ZCCHC2: variants seen among roughly 807,000 people sequenced by gnomAD.
ZCCHC2 encodes the protein zinc finger CCHC domain-containing protein 2.
A neutral mutation model predicts 103.6 loss-of-function variants in ZCCHC2; 39 were observed. That is an observed-to-expected ratio of 0.38 (90% CI 0.29 to 0.49). The LOEUF is 0.49. Ranked by LOEUF, ZCCHC2 falls within the 20% of genes least tolerant of loss-of-function variation. ZCCHC2 has a pLI of 0.96. For missense variants in ZCCHC2, 1,483 were observed against 1,491.0 expected (o/e 0.99, Z 0.09); for synonymous variants, 687 against 608.9 (o/e 1.13, Z -1.89).
chr18:62,575,167 T>C lies in ZCCHC2; in HGVS notation c.3086T>C (p.Leu1029Pro). The C allele has an allele frequency of 6.2e-7, 1 of 1,614,060 alleles. No homozygotes were observed. Among genetic ancestry groups the C allele is most frequent in the Non-Finnish European group, 8.5e-7 (1 of 1,179,890 alleles). The change falls in exon 13 of 14, where the codon CTA becomes CCA. Residue 1029 changes from leucine to proline, a missense_variant. By Grantham distance (98) the Leu-to-Pro change is moderately conservative (BLOSUM62 -3). Coordinates refer to ENST00000269499, the MANE Select transcript of ZCCHC2 (RefSeq NM_017742.6). ...TGTGGGACCAATGGAAACCTTCAGCTAAATAGTTACTATTATCCTAATCCA... is the reference window on the plus strand; with the variant it reads ...TGTGGGACCAATGGAAACCTTCAGCCAAATAGTTACTATTATCCTAATCCA... ...CSCGTNGNLQLNSYYYPNPMP... is the reference protein window; with the variant it reads ...CSCGTNGNLQPNSYYYPNPMP...
chr18:62,528,880 G>A (rs1343568028), intron 1 of ZCCHC2, among the ~76,000 whole-genome samples: 2 of 151,954 alleles, frequency 1.3e-5, no homozygotes, highest in Non-Finnish European at 2.9e-5. Flanking sequence ...TGATTTTTTG[G>A]CCAGGCGCAG....
intron 1 of ZCCHC2, among the ~76,000 whole-genome samples, chr18:62,528,654 G>A (rs922772558): frequency 1.3e-5 from 2 of 151,280 alleles, no homozygotes; most frequent in African/African-American, 4.9e-5. Context: ...TAGCTAAATT[G>A]TACTTGATAG....
At chr18:62,556,804 TC>T (rs1915903774) in intron 6 of ZCCHC2, among the ~76,000 whole-genome samples, 1 of 152,236 alleles carries the variant, frequency 6.6e-6, no homozygotes, top group Non-Finnish European at 1.5e-5. Flanking sequence ...GTTAGGCCTT[TC>T]TTTCATGCAC....
In ZCCHC2 at chr18:62,575,449, C is replaced by T. The variant is rs770818627; in HGVS notation, c.3368C>T (p.Ser1123Leu). The T allele has an allele frequency of 5.0e-6, 8 of 1,613,952 alleles. No homozygotes were observed. The highest frequency in any genetic ancestry group is 1.7e-5 in the Admixed American group (1 of 60,022). The change falls in exon 13 of 14, where the codon TCG becomes TTG. Residue 1123 changes from serine (S) to leucine (L), a missense_variant. Physicochemically the swap from Ser to Leu is moderately radical, Grantham distance 145. Transcript: ENST00000269499. ...AACGTAGTTGCCAACACCAGTGGTT[C>T]GGGGCCCAAGAAGAATGGGAATGTC... is the stretch of plus-strand genomic sequence containing the variant. ...APNVVANTSG[S>L]GPKKNGNVSC...
chr18:62,582,629 C>T (rs1299065768), downstream of ZCCHC2, among the ~76,000 whole-genome samples: 3 of 151,926 alleles, frequency 2.0e-5, no homozygotes, highest in Admixed American at 2.0e-4. Context: ...CAGTGAGTTG[C>T]AGTCACACCA....
chr18:62,561,160 GA>G (rs1299036014), intron 8 of ZCCHC2, among the ~76,000 whole-genome samples: 1 of 152,154 alleles, frequency 6.6e-6, no homozygotes, highest in Non-Finnish European at 1.5e-5. Flanking sequence ...TCCAACTGAA[GA>G]ACACTTGAGT....
chr18:62,546,677 G>A (rs948884718), intron 4 of ZCCHC2, among the ~76,000 whole-genome samples: 1 of 152,200 alleles, frequency 6.6e-6, no homozygotes, highest in African/African-American at 2.4e-5. Context: ...CCCCAGCTGA[G>A]GCCTAGTGCC....
chr18:62,524,287 G>A lies in ZCCHC2; in HGVS notation c.863G>A (p.Arg288His). The change falls in exon 1 of 14, where the codon CGC (arginine) becomes CAC (histidine). Residue 288 changes from arginine (R) to histidine (H), a missense_variant. By Grantham distance (29) the Arg-to-His change is conservative. Around this residue, in one of 3 missense-constraint regions of ZCCHC2, gnomAD observed 568 missense variants for 525.1 expected, o/e 1.08. Coordinates refer to ENST00000269499, the MANE Select transcript of ZCCHC2 (RefSeq NM_017742.6). ...VTLREHLERL[R>H]AALRGGPEDA... ...CTGAGGGAACACTTGGAGAGGCTCCGCGCCGCGCTCCGCGGGGGCCCCGAG... is the reference window on the plus strand; with the variant it reads ...CTGAGGGAACACTTGGAGAGGCTCCACGCCGCGCTCCGCGGGGGCCCCGAG... 6.5e-7 allele frequency: 1 copy of A among 1,548,920 alleles called. No individual in the cohort carries two copies. The highest frequency in any genetic ancestry group is 1.2e-5 in the South Asian group (1 of 83,968).
intron 12 of ZCCHC2, among the ~76,000 whole-genome samples, chr18:62,571,560 G>GGAT (rs1199954824): frequency 1.3e-5 from 2 of 152,170 alleles, no homozygotes; most frequent in Non-Finnish European, 2.9e-5. Flanking sequence ...ATGGAAGAGT[G>GGAT]GATTATTAGA....
At chr18:62,524,427 T>A in intron 1 of ZCCHC2, 64 bp downstream of exon 1, 1 of 1,425,448 alleles carries the variant, frequency 7.0e-7, no homozygotes, top group Non-Finnish European at 9.1e-7. Flanking sequence ...CTCCCCGGCC[T>A]CGCTCTCGGA....
intron 1 of ZCCHC2, among the ~76,000 whole-genome samples, chr18:62,532,689 A>T (rs1296543462): frequency 6.6e-6 from 1 of 152,150 alleles, no homozygotes; most frequent in African/African-American, 2.4e-5. Flanking sequence ...AGATGCACAT[A>T]TATCGTTGTA....
At chr18:62,553,777 T>C (rs1915767058) in intron 5 of ZCCHC2, among the ~76,000 whole-genome samples, 1 of 152,204 alleles carries the variant, frequency 6.6e-6, no homozygotes, top group Admixed American at 6.5e-5. Flanking sequence ...CCGATTTCAG[T>C]TTGTGTTTGA....
chr18:62,524,354 C>T lies in ZCCHC2; in HGVS notation c.930C>T (p.Pro310=), dbSNP rs1483967267. 6 of 1,523,982 alleles carry T rather than the reference C, an allele frequency of 3.9e-6. No homozygotes were observed. In the Admixed American group the frequency reaches 1.2e-4, roughly 32 times the overall value. 94.4% of individuals were successfully genotyped at this position (1,523,982 alleles called of 1,614,324 possible). The change falls in exon 1 of 14, where the codon CCC becomes CCT. Residue 310 remains proline (P), a synonymous_variant. Coordinates refer to ENST00000269499, the MANE Select transcript of ZCCHC2 (RefSeq NM_017742.6). ...TAGAGCCGTGCAAGTTTGCCGGCCC[C>T]AGGGCCCAGGTAAGGCGCACGGAGC... The part of the protein sequence containing the change: ...VEVEPCKFAG[P]RAQNNSAHGD...
At chr18:62,524,436 G>A in intron 1 of ZCCHC2, 73 bp downstream of exon 1, 1 of 1,424,106 alleles carries the variant, frequency 7.0e-7, no homozygotes, top group Non-Finnish European at 9.1e-7. Context: ...CTCGCTCTCG[G>A]ACGCCCCTTG....
At position 62,553,891 on chromosome 18, in the gene ZCCHC2, C is replaced by T. The variant is rs182054266; in HGVS notation, c.1314-2312C>T. Among the ~76,000 whole-genome samples the T allele has an allele frequency of 2.7e-3, 408 of 152,262 alleles. 1 individual carries two copies. Among genetic ancestry groups the T allele is most frequent in the Admixed American group, 7.7e-3 (117 of 15,286 alleles). ...CTTGTTAGATAAAGAGCCCTGCTTGCGATTACTTCATGACCATAGAGGTGT... is the reference window on the plus strand; with the variant it reads ...CTTGTTAGATAAAGAGCCCTGCTTGTGATTACTTCATGACCATAGAGGTGT... On this transcript the variant is annotated intron_variant, in intron 5 of 13. Coordinates refer to ENST00000269499, the MANE Select transcript of ZCCHC2 (RefSeq NM_017742.6).
At chr18:62,584,156 C>T (rs1409668556) in intron 14 of ZCCHC2, among the ~76,000 whole-genome samples, 1 of 152,168 alleles carries the variant, frequency 6.6e-6, no homozygotes, top group African/African-American at 2.4e-5. Flanking sequence ...AACATGGGTA[C>T]ACATCACCTG....
At chr18:62,533,694 C>T (rs1231936803) in intron 1 of ZCCHC2, among the ~76,000 whole-genome samples, 1 of 151,868 alleles carries the variant, frequency 6.6e-6, no homozygotes, top group Non-Finnish European at 1.5e-5. Context: ...TAGTGAAACC[C>T]TGTCTCTGAT....
chr18:62,557,270 A>G lies in ZCCHC2; in HGVS notation c.1408+973A>G, dbSNP rs529173936. On this transcript the variant is annotated intron_variant, in intron 6 of 13. Transcript: ENST00000269499. ...TAACATTGGCGTGTCCTTTAGCAGA[A>G]TTTCTGCTGAACTTCAGGCATAGCT... Among the ~76,000 whole-genome samples the G allele has an allele frequency of 2.0e-5, 3 of 152,180 alleles. No homozygotes were observed. The South Asian group carries it at 6.2e-4, about 32-fold the overall frequency.
chr18:62,539,567 G>C, intron 1 of ZCCHC2, 114 bp from the exon 2 acceptor site: 1 of 758,352 alleles, frequency 1.3e-6, no homozygotes, highest in Admixed American at 2.3e-5. Flanking sequence ...TCACCTATTG[G>C]ACCTCTAAAA....
Sources: allele counts gnomAD v4.1 joint callset (sites outside exome capture counted in the v4.1 genomes callset), GRCh38; gene constraint gnomAD v4.1.1; regional missense constraint gnomAD v4.1.1; transcripts MANE v1.5; gene names NCBI Gene and HGNC (gene_info 2026-07-23, HGNC 2026-07-21).